The following ENPP1 variants were observed in gnomAD, a reference collection of about 807,000 sequenced individuals.
ENPP1 encodes the protein ectonucleotide pyrophosphatase/phosphodiesterase 1.
ENPP1 carries 73 observed loss-of-function variants against 122.8 expected under a neutral mutation model. The observed-to-expected ratio is 0.59, with a 90% CI of 0.49 to 0.72. The LOEUF (loss-of-function observed/expected upper bound fraction) is 0.72, where lower values mean the gene tolerates loss of function less well. ENPP1 is among the 30% of genes least tolerant of loss of function. The pLI is 0.00. For synonymous variants in ENPP1, 367 were observed against 391.6 expected (o/e 0.94, Z 0.74); for missense variants, 978 against 1,128.1 (o/e 0.87, Z 1.91).
intron 8 of ENPP1, among the ~76,000 whole-genome samples, chr6:131,860,866 T>G (rs1782014727): frequency 6.6e-6 from 1 of 152,188 alleles, no homozygotes; most frequent in Non-Finnish European, 1.5e-5. Context: ...TTTAGGAGCT[T>G]CTTTCCAATT....
chr6:131,829,082 A>G (rs1781579609), intron 1 of ENPP1, among the ~76,000 whole-genome samples: 1 of 152,258 alleles, frequency 6.6e-6, no homozygotes, highest in African/African-American at 2.4e-5. Context: ...CACTATCTGC[A>G]TAGGCAAGAT....
intron 1 of ENPP1, chr6:131,820,025 T>C: frequency 1.8e-6 from 1 of 558,720 alleles, no homozygotes; most frequent in African/African-American, 1.9e-5. Context: ...AAATCTGTTA[T>C]CAAAGATAAT....
At chr6:131,878,112 T>G (rs1585838138) in intron 18 of ENPP1, among the ~76,000 whole-genome samples, 1 of 151,720 alleles carries the variant, frequency 6.6e-6, no homozygotes, top group African/African-American at 2.4e-5. Flanking sequence ...ATGTAACTTC[T>G]GTCCAGGCAT....
chr6:131,847,818 T>C lies in ENPP1; in HGVS notation c.283T>C (p.Phe95Leu). The C allele has an allele frequency of 6.2e-7, 1 of 1,612,434 alleles. No homozygotes were observed. Among genetic ancestry groups the C allele is most frequent in the Non-Finnish European group, 8.5e-7 (1 of 1,179,690 alleles). ...CVLTTILGCI[F>L]GLKPSCAKEV... ...GTTAACAACAATACTTGGTTGTATA[T>C]TTGGGTTGAAACCAAGCTGTGCCAA... Residue 95 changes from phenylalanine to leucine, a missense_variant, in exon 2 of 25, where the codon TTT (phenylalanine) becomes CTT (leucine). Transcript: ENST00000647893.
intron 13 of ENPP1, among the ~76,000 whole-genome samples, chr6:131,871,318 T>C (rs1420502768): frequency 6.6e-6 from 1 of 152,248 alleles, no homozygotes; most frequent in Non-Finnish European, 1.5e-5. Context: ...AGACAGTTAT[T>C]GATTTGTAGT....
rs1782022457 is a variant in ENPP1, at chr6:131,861,508, G to GTC, written c.916-87_916-86insTC. ...TTAAAAGCATTCTAGCACTAGAGAG[G>GTC]AATGCATTGGTGTGGTATGAATACA... On this transcript the variant is annotated intron_variant, in intron 8 of 24. Transcript: ENST00000647893. The GTC allele has an allele frequency of 8.4e-6, 7 of 835,124 alleles. No individual in the cohort carries two copies. In the East Asian group the frequency reaches 1.7e-4, roughly 20 times the overall value. The allele number at this position is 835,124 out of a possible 1,614,324, so 51.7% of individuals were successfully genotyped here.
At chr6:131,888,880 T>C (rs1782423476) in intron 24 of ENPP1, among the ~76,000 whole-genome samples, 1 of 152,202 alleles carries the variant, frequency 6.6e-6, no homozygotes, top group Non-Finnish European at 1.5e-5. Flanking sequence ...TGCAGTGGCT[T>C]AAGCAAGTCA....
At chr6:131,827,947 T>C (rs1258216135) in intron 1 of ENPP1, 11 of 928,782 alleles carry the variant, frequency 1.2e-5, no homozygotes, top group African/African-American at 9.8e-5. Context: ...GAAGCACTTA[T>C]AAAGGATGGC....
rs115855800 is a variant in ENPP1 at position 131,863,321 on chromosome 6, C to T, written c.1026-1185C>T. On this transcript the variant is annotated intron_variant, in intron 9 of 24. Transcript: ENST00000647893. ...ATAACCTCTCTGTGATATTTGAAATCCATGATGCATTGAGAAAATACAAAA... is the reference window on the plus strand; with the variant it reads ...ATAACCTCTCTGTGATATTTGAAATTCATGATGCATTGAGAAAATACAAAA... 3.7e-3 allele frequency among the ~76,000 whole-genome samples: 560 copies of T among 152,252 alleles called. 4 individuals carry two copies. The highest frequency in any genetic ancestry group is 0.013 in the African/African-American group (523 of 41,550).
At position 131,891,748 on chromosome 6, in the gene ENPP1, CTTTTTTTTT is replaced by C. The variant is rs34545497; in HGVS notation, c.*1248_*1256del. On this transcript the variant is annotated 3_prime_UTR_variant, in exon 25 of 25. Coordinates refer to ENST00000647893, the MANE Select transcript of ENPP1 (RefSeq NM_006208.3). ...AATTATTTAATAATTTAGGAAGTTG[CTTTTTTTTT>C]TTTTTTTTTTCAGTCCTGCAGTTTC... is the stretch of plus-strand genomic sequence containing the variant. 1 of 80,144 alleles carries C rather than the reference CTTTTTTTTT, an allele frequency of 1.2e-5. No homozygotes were observed. The highest frequency in any genetic ancestry group is 2.4e-5 in the Non-Finnish European group (1 of 42,382). The allele number at this position is 80,144 out of a possible 1,614,324, so 5.0% of individuals were successfully genotyped here.
In ENPP1 at chr6:131,860,270, A is replaced by G. The variant is rs921378064; in HGVS notation, c.796-117A>G. The G allele has an allele frequency of 8.2e-5, 67 of 816,264 alleles. No homozygotes were observed. In the East Asian group the frequency reaches 1.7e-3, roughly 20 times the overall value. 50.6% of individuals were successfully genotyped at this position (816,264 alleles called of 1,614,324 possible). A position where few individuals can be genotyped will look rare whatever the true frequency, so the allele number is the denominator to read the frequency against. On this transcript the variant is annotated intron_variant, in intron 7 of 24. Transcript: ENST00000647893. Reference sequence around the variant, plus strand: ...GATTTTTTTGTTTTTCTTTCCTTAAACTTATTATAATTCCATGTAGCTTCA... The same window carrying G: ...GATTTTTTTGTTTTTCTTTCCTTAAGCTTATTATAATTCCATGTAGCTTCA...
intron 1 of ENPP1, among the ~76,000 whole-genome samples, chr6:131,839,282 AT>A (rs963524141): frequency 1.6e-4 from 23 of 146,984 alleles, no homozygotes; most frequent in East Asian, 4.0e-4. Flanking sequence ...TTTTATTTCT[AT>A]TTTTTTTTTC....
At chr6:131,838,395 ATCT>A (rs1252542856) in intron 1 of ENPP1, among the ~76,000 whole-genome samples, 1 of 152,194 alleles carries the variant, frequency 6.6e-6, no homozygotes, top group East Asian at 1.9e-4. Context: ...ATCAGGAAGA[ATCT>A]AAAAGATGTA....
intron 1 of ENPP1, among the ~76,000 whole-genome samples, chr6:131,844,864 T>C (rs1781786482): frequency 6.6e-6 from 1 of 152,262 alleles, no homozygotes; most frequent in Admixed American, 6.5e-5. Context: ...GCAAAGCTTA[T>C]GTGAAAACAT....
rs73778611 is a variant in ENPP1, at chr6:131,892,547, A to G, written c.*2036A>G. Reference sequence around the variant, plus strand: ...TGACCAGGAAGAGCTTCATTACACCAGGTGGGAATGAAATTCCCAGTAGCC... The same window carrying G: ...TGACCAGGAAGAGCTTCATTACACCGGGTGGGAATGAAATTCCCAGTAGCC... On this transcript the variant is annotated 3_prime_UTR_variant, in exon 25 of 25. Transcript: ENST00000647893. 5,184 of 152,306 alleles carry G rather than the reference A, an allele frequency of 0.034. 154 individuals carry two copies. The highest frequency in any genetic ancestry group is 0.076 in the African/African-American group (3,144 of 41,524). The allele number at this position is 152,306 out of a possible 1,614,324, so 9.4% of individuals were successfully genotyped here.
chr6:131,836,627 C>T (rs1781677488), intron 1 of ENPP1, among the ~76,000 whole-genome samples: 1 of 152,070 alleles, frequency 6.6e-6, no homozygotes, highest in South Asian at 2.1e-4. Flanking sequence ...ATGACACTGA[C>T]ACAAATTAGA....
chr6:131,810,568 T>A (rs999981004), intron 1 of ENPP1, among the ~76,000 whole-genome samples: 1 of 151,502 alleles, frequency 6.6e-6, no homozygotes, highest in Non-Finnish European at 1.5e-5. Flanking sequence ...GCTGCAATTA[T>A]AGAATTCCTT....
chr6:131,854,877 G>A, intron 5 of ENPP1, 49 bp from the exon 6 acceptor site: 3 of 1,295,486 alleles, frequency 2.3e-6, no homozygotes, highest in Non-Finnish European at 3.4e-6. Flanking sequence ...CATTGGATAT[G>A]TCTTGTCTTT....
Position 131,879,908 on chromosome 6 carries a change from C to G in ENPP1, c.1974C>G (p.Pro658=), listed in dbSNP as rs149203142. ...AGATTATTAAGCATGAAACTTTACC[C>G]TATGGAAGACCTAGAGTTCTCCAGA... ...EEKIIKHETL[P]YGRPRVLQKE... The change falls in exon 20 of 25, where the codon CCC becomes CCG. Residue 658 remains proline, a synonymous_variant. Coordinates refer to ENST00000647893, the MANE Select transcript of ENPP1 (RefSeq NM_006208.3). 6.2e-7 allele frequency: 1 copy of G among 1,613,786 alleles called. No individual in the cohort carries two copies. The highest frequency in any genetic ancestry group is 1.3e-5 in the African/African-American group (1 of 75,028).
Sources: allele counts gnomAD v4.1 joint callset (sites outside exome capture counted in the v4.1 genomes callset), GRCh38; gene constraint gnomAD v4.1.1; transcripts MANE v1.5; gene names NCBI Gene and HGNC (gene_info 2026-07-23, HGNC 2026-07-21).